SNED1: variants seen among roughly 807,000 people sequenced by gnomAD.
SNED1 encodes sushi, nidogen and EGF-like domain-containing protein 1.
SNED1 carries 81 observed loss-of-function variants against 166.7 expected under a neutral mutation model. The ratio of observed to expected loss-of-function variants is 0.49; its 90% CI spans 0.41 to 0.58. The LOEUF (loss-of-function observed/expected upper bound fraction) is 0.58. Ranked by LOEUF, SNED1 falls within the 20% of genes least tolerant of loss-of-function variation. The probability of loss-of-function intolerance (pLI) is 0.00; values close to 1 mark genes in which losing one functional copy is unlikely to be tolerated. For missense variants in SNED1, 1,604 were observed against 2,000.2 expected (o/e 0.80, Z 3.78); for synonymous variants, 762 against 822.0 (o/e 0.93, Z 1.25).
chr2:241,065,658 C>G, intron 21 of SNED1, 63 bp downstream of exon 21: 1 of 1,429,386 alleles, frequency 7.0e-7, no homozygotes. Flanking sequence ...AGCGCTGGCC[C>G]CGGCACCTGC....
At chr2:241,057,310 C>T (rs1017659747) in intron 16 of SNED1, among the ~76,000 whole-genome samples, 2 of 149,864 alleles carry the variant, frequency 1.3e-5, no homozygotes, top group African/African-American at 2.5e-5. Flanking sequence ...ACCTCGGAGG[C>T]GGAGGTTGCA....
chr2:241,070,001 G>A lies in SNED1; in HGVS notation c.3389G>A (p.Gly1130Asp), dbSNP rs1354585586. 3.7e-6 allele frequency: 6 copies of A among 1,612,806 alleles called. No individual in the cohort carries two copies. In the African/African-American group the frequency reaches 8.0e-5, roughly 22 times the overall value. Residue 1130 changes from glycine (G) to aspartate (D), a missense_variant, in exon 24 of 32, where the codon GGC becomes GAC. Gly to Asp is a moderately conservative substitution (Grantham distance 94). Transcript: ENST00000310397. ...AHVVWDAPTP[G>D]SLLEAYVINV... ...GTGGTCTGGGATGCCCCGACTCCAG[G>A]CAGCTTGCTGGAGGCTTATGTCATC...
At chr2:241,009,842 G>T (rs2106559137) in intron 1 of SNED1, among the ~76,000 whole-genome samples, 1 of 152,162 alleles carries the variant, frequency 6.6e-6, no homozygotes, top group East Asian at 1.9e-4. Flanking sequence ...TTCCCCGGAG[G>T]CCTAGCCCAG....
Position 241,071,655 on chromosome 2 carries a change from G to A in SNED1, c.3669G>A (p.Ala1223=), listed in dbSNP as rs779400360. ...TGCTCAAGAACAGACCGCCCCCGGC[G>A]CGCCTGCCGGAGCTGCGCCTGCTCA... ...PRVLKNRPPP[A]RLPELRLLND... Residue 1223 remains alanine, a synonymous_variant, in exon 25 of 32, where the codon GCG becomes GCA. Coordinates refer to ENST00000310397, the MANE Select transcript of SNED1 (RefSeq NM_001080437.3). The A allele has an allele frequency of 2.4e-5, 38 of 1,568,368 alleles. No individual in the cohort carries two copies. Among genetic ancestry groups the A allele is most frequent in the Admixed American group, 7.2e-5 (4 of 55,364 alleles).
chr2:241,035,924 GGA>G (rs2061342677), intron 4 of SNED1, among the ~76,000 whole-genome samples: 3 of 87,616 alleles, frequency 3.4e-5, no homozygotes, highest in East Asian at 4.0e-4. Context: ...GCCACGGGGT[GGA>G]GGGGTGGGGG....
chr2:241,053,825 C>T (rs975770282), intron 16 of SNED1, among the ~76,000 whole-genome samples: 1 of 152,218 alleles, frequency 6.6e-6, no homozygotes, highest in African/African-American at 2.4e-5. Flanking sequence ...AGCCTAGAGA[C>T]AAGGCTCCCT....
chr2:241,089,511 G>A (rs912392756), intron 31 of SNED1: 75 of 1,392,456 alleles, frequency 5.4e-5, no homozygotes, highest in Non-Finnish European at 6.8e-6. Context: ...CTCCGCACAT[G>A]GCAGGAACTT....
Position 241,073,568 on chromosome 2 carries a change from C to G in SNED1, c.3916+204C>G. 1.6e-6 allele frequency: 1 copy of G among 624,218 alleles called. No homozygotes were observed. Among genetic ancestry groups the G allele is most frequent in the East Asian group, 2.7e-5 (1 of 36,422 alleles). The allele number at this position is 624,218 out of a possible 1,614,324, so 38.7% of individuals were successfully genotyped here. A position where few individuals can be genotyped will look rare whatever the true frequency, so the allele number is the denominator to read the frequency against. ...AGCAGTGGGACCCCACAGACGGGAACAGGCCAGGGGGCAGGACCCACCCAA... is the reference window on the plus strand; with the variant it reads ...AGCAGTGGGACCCCACAGACGGGAAGAGGCCAGGGGGCAGGACCCACCCAA... On this transcript the variant is annotated intron_variant, in intron 27 of 31. Coordinates refer to ENST00000310397, the MANE Select transcript of SNED1 (RefSeq NM_001080437.3). The surrounding 1 kb of genome is among the most constrained non-coding windows in gnomAD (Gnocchi z 6.6).
intron 29 of SNED1, among the ~76,000 whole-genome samples, chr2:241,084,334 C>T (rs981925436): frequency 1.3e-5 from 2 of 151,772 alleles, no homozygotes; most frequent in Non-Finnish European, 2.9e-5. Context: ...ACAAAGTTTA[C>T]GTAGAGACAG....
chr2:241,023,888 C>CTTTTTTTTTTTTTTTTT (rs34234341), intron 1 of SNED1, among the ~76,000 whole-genome samples: 21 of 91,992 alleles, frequency 2.3e-4, no homozygotes, highest in East Asian at 7.2e-4. Context: ...TTTTTTTTTC[C>CTTTTTTTTTTTTTTTTT]TTTTTTTTTT....
At chr2:241,042,430 A>G (rs1005338395) in intron 8 of SNED1, among the ~76,000 whole-genome samples, 1 of 152,194 alleles carries the variant, frequency 6.6e-6, no homozygotes, top group Non-Finnish European at 1.5e-5. Context: ...CCAGAATAAA[A>G]TCCTATACTC....
rs1354570587 is a variant in SNED1, at chr2:241,052,695, G to GTACAT, written c.2083+227_2083+228insTACAT. Among the ~76,000 whole-genome samples, 4 of 66,176 alleles carry GTACAT rather than the reference G, an allele frequency of 6.0e-5. 1 individual carries two copies. The highest frequency in any genetic ancestry group is 2.7e-4 in the African/African-American group (4 of 14,794). 43.4% of individuals were successfully genotyped at this position (66,176 alleles called of 152,430 possible). On this transcript the variant is annotated intron_variant, in intron 15 of 31. Transcript: ENST00000310397. Reference sequence around the variant, plus strand: ...CAGGCAGGTGAGAGGGTCGGCGGGGGGGGGGGGGGTCAAGCAGGGTACATG... The same window carrying GTACAT: ...CAGGCAGGTGAGAGGGTCGGCGGGGGTACATGGGGGGGGGTCAAGCAGGGTACATG...
At position 241,070,065 on chromosome 2, in the gene SNED1, C is replaced by A; in HGVS notation, c.3453C>A (p.Val1151=). The part of the protein sequence containing the change: ...TTSQSTKSRY[V]PNGKLASYTV... ...GCCAGAGCACCAAGAGCCGCTATGT[C>A]CCCAACGGGAAGCTGGCGTCCTACA... The change falls in exon 24 of 32, where the codon GTC becomes GTA. Residue 1151 remains valine (V), a synonymous_variant. Transcript: ENST00000310397. 6.2e-7 allele frequency: 1 copy of A among 1,613,108 alleles called. No individual in the cohort carries two copies. Among genetic ancestry groups the A allele is most frequent in the Non-Finnish European group, 8.5e-7 (1 of 1,179,894 alleles).
intron 1 of SNED1, among the ~76,000 whole-genome samples, chr2:241,008,524 A>C (rs2060290403): frequency 6.6e-6 from 1 of 152,196 alleles, no homozygotes; most frequent in South Asian, 2.1e-4. Flanking sequence ...CAAGGGCAAG[A>C]CAGGCTGGAA....
At chr2:241,060,623 TTAAAGACC>T (rs113648684) in intron 16 of SNED1, among the ~76,000 whole-genome samples, 10,236 of 152,082 alleles carry the variant, frequency 0.067, 536 homozygotes, top group African/African-American at 0.14. Context: ...TCCAGGTGGA[TTAAAGACC>T]TAAATGTTTC....
chr2:241,057,660 G>A (rs913855692), intron 16 of SNED1, among the ~76,000 whole-genome samples: 1 of 151,608 alleles, frequency 6.6e-6, no homozygotes, highest in Non-Finnish European at 1.5e-5. Context: ...CTCCAGCCTG[G>A]GTGACAGCAA....
intron 2 of SNED1, 37 bp from the exon 3 acceptor site, chr2:241,033,698 G>GAGT (rs2061256100): frequency 6.9e-6 from 11 of 1,592,314 alleles, no homozygotes; most frequent in Non-Finnish European, 9.4e-6. Flanking sequence ...GGGCCAAGGG[G>GAGT]AGTGCAGGGC....
At position 240,999,028 on chromosome 2, in the gene SNED1, G is replaced by C; in HGVS notation, c.191G>C (p.Gly64Ala). 2 of 1,324,534 alleles carry C rather than the reference G, an allele frequency of 1.5e-6. No individual in the cohort carries two copies. Among genetic ancestry groups the C allele is most frequent in the Non-Finnish European group, 1.9e-6 (2 of 1,032,278 alleles). The allele number at this position is 1,324,534 out of a possible 1,614,324, so 82.0% of individuals were successfully genotyped here. Residue 64 changes from glycine (G) to alanine (A), a missense_variant, in exon 1 of 32, where the codon GGT becomes GCT. Transcript: ENST00000310397. This position sits in a 1 kb window ranked among gnomAD's most constrained non-coding sequence, Gnocchi z 5.8. ...RPLSVPFPFF[G>A]AEHSGLYVNN... ...CTCTCGGTGCCCTTCCCGTTCTTCG[G>C]TGCCGAGCACTCCGGACTCTACGTG...
At chr2:241,078,697 G>A (rs557287978) in intron 27 of SNED1, among the ~76,000 whole-genome samples, 12 of 151,866 alleles carry the variant, frequency 7.9e-5, no homozygotes, top group African/African-American at 1.7e-4. Flanking sequence ...CTGAGGTCAC[G>A]AAAATGTTCT....
Sources: gnomAD v4.1 joint callset for allele counts (sites outside exome capture counted in the v4.1 genomes callset) on GRCh38, gnomAD v4.1.1 for gene constraint, Gnocchi (gnomAD v3.1) non-coding constraint, MANE v1.5 for transcripts, NCBI Gene and HGNC (gene_info 2026-07-23, HGNC 2026-07-21) for gene names.